Variants in CDK17 observed in about 807,000 individuals in gnomAD.
CDK17 encodes the protein cyclin-dependent kinase 17.
CDK17 carries 24 observed loss-of-function variants against 77.6 expected under a neutral mutation model. The observed-to-expected ratio is 0.31, with a 90% CI of 0.22 to 0.44. The LOEUF (loss-of-function observed/expected upper bound fraction) is 0.44, where lower values mean the gene tolerates loss of function less well. Among genes scored for constraint, CDK17 ranks in the 20% least tolerant of loss-of-function variants. CDK17 has a pLI of 1.00. For missense variants in CDK17, 429 were observed against 622.5 expected, an observed-to-expected ratio of 0.69 and a Z score of 3.31; for synonymous variants, 203 against 210.4, an observed-to-expected ratio of 0.96 and a Z score of 0.30.
chr12:96,393,280 G>A (rs1005760370), intron 1 of CDK17, among the ~76,000 whole-genome samples: 2 of 135,398 alleles, frequency 1.5e-5, no homozygotes, highest in African/African-American at 5.7e-5. Flanking sequence ...AGGGAGAATC[G>A]CTTGAACCCG....
intron 2 of CDK17, among the ~76,000 whole-genome samples, chr12:96,325,995 G>A (rs1341447158): frequency 6.6e-6 from 1 of 152,170 alleles, no homozygotes; most frequent in Non-Finnish European, 1.5e-5. Context: ...CTGCATTCCA[G>A]CCTGGGTGGC....
chr12:96,374,690 G>T (rs990817262), intron 1 of CDK17, among the ~76,000 whole-genome samples: 2 of 152,138 alleles, frequency 1.3e-5, no homozygotes, highest in African/African-American at 4.8e-5. Flanking sequence ...CCAGGAAAAG[G>T]GGGGAACTAA....
chr12:96,333,481 A>C (rs1408424057), intron 2 of CDK17, among the ~76,000 whole-genome samples: 4 of 151,970 alleles, frequency 2.6e-5, no homozygotes, highest in South Asian at 2.1e-4. Context: ...CCTGGTCAAC[A>C]TGGTGAAACC....
intron 1 of CDK17, among the ~76,000 whole-genome samples, chr12:96,374,092 G>A (rs1487092617): frequency 6.6e-6 from 1 of 152,156 alleles, no homozygotes; most frequent in East Asian, 1.9e-4. Context: ...TTTATGTTCT[G>A]TATATAAAAT....
chr12:96,391,086 CAA>C (rs72094136), intron 1 of CDK17, among the ~76,000 whole-genome samples: 2 of 142,748 alleles, frequency 1.4e-5, no homozygotes, highest in Admixed American at 7.0e-5. Flanking sequence ...GACTCCATCT[CAA>C]AAAAAAAAAG....
At chr12:96,317,365 A>AAAC (rs1232641538) in intron 3 of CDK17, among the ~76,000 whole-genome samples, 1 of 106,180 alleles carries the variant, frequency 9.4e-6, no homozygotes, top group Non-Finnish European at 1.9e-5. Flanking sequence ...CCAAGTTGGA[A>AAAC]AACACTCTGC....
At chr12:96,326,201 G>GA (rs1181111228) in intron 2 of CDK17, among the ~76,000 whole-genome samples, 1 of 151,838 alleles carries the variant, frequency 6.6e-6, no homozygotes, top group Non-Finnish European at 1.5e-5. Flanking sequence ...GGAGAATATA[G>GA]AAAAAAAATG....
intron 1 of CDK17, among the ~76,000 whole-genome samples, chr12:96,393,354 CAAAAAAA>C (rs10633197): frequency 6.9e-5 from 3 of 43,346 alleles, no homozygotes; most frequent in African/African-American, 9.0e-5. Context: ...GGCTCCGCCT[CAAAAAAA>C]AAAAAAAAAA....
intron 1 of CDK17, among the ~76,000 whole-genome samples, chr12:96,347,162 A>C (rs1565829902): frequency 6.6e-6 from 1 of 152,212 alleles, no homozygotes; most frequent in Non-Finnish European, 1.5e-5. Context: ...AAATATATTA[A>C]GCAAAAACAG....
intron 6 of CDK17, among the ~76,000 whole-genome samples, chr12:96,299,282 A>T (rs1280320974): frequency 6.6e-6 from 1 of 152,244 alleles, no homozygotes; most frequent in African/African-American, 2.4e-5. Context: ...CAATAGCTTT[A>T]AAATCAAAGG....
At chr12:96,338,558 T>C (rs1046614131) in intron 1 of CDK17, among the ~76,000 whole-genome samples, 2 of 152,086 alleles carry the variant, frequency 1.3e-5, no homozygotes, top group African/African-American at 4.8e-5. Flanking sequence ...TAGTCACTAA[T>C]TTTTGTATTT....
intron 1 of CDK17, among the ~76,000 whole-genome samples, chr12:96,381,497 G>A (rs1953880128): frequency 6.6e-6 from 1 of 151,908 alleles, no homozygotes; most frequent in African/African-American, 2.4e-5. Context: ...ATAGCAGGGA[G>A]ACCAGTTTTG....
intron 11 of CDK17, 40 bp from the exon 12 acceptor site, chr12:96,286,801 A>T: frequency 6.7e-7 from 1 of 1,492,094 alleles, no homozygotes; most frequent in Non-Finnish European, 9.3e-7. Flanking sequence ...CAATTCATTT[A>T]CATATTATGA....
intron 3 of CDK17, among the ~76,000 whole-genome samples, chr12:96,315,940 T>A (rs1952708473): frequency 6.6e-6 from 1 of 151,628 alleles, no homozygotes; most frequent in Non-Finnish European, 1.5e-5. Context: ...AAAAAAAAAA[T>A]CAGAGGGAGG....
At chr12:96,336,795 T>C (rs188117643) in intron 1 of CDK17, among the ~76,000 whole-genome samples, 6 of 152,356 alleles carry the variant, frequency 3.9e-5, no homozygotes, top group African/African-American at 9.6e-5. Context: ...GAATTTCCAT[T>C]TGACTCCTTC....
At chr12:96,377,691 T>C (rs1009062839) in intron 1 of CDK17, among the ~76,000 whole-genome samples, 6 of 143,074 alleles carry the variant, frequency 4.2e-5, no homozygotes, top group Non-Finnish European at 7.6e-5. Context: ...AGTTTTTTTT[T>C]TTCGTTTTTT....
At chr12:96,355,047 T>C (rs1232879192) in intron 1 of CDK17, among the ~76,000 whole-genome samples, 1 of 152,148 alleles carries the variant, frequency 6.6e-6, no homozygotes, top group East Asian at 1.9e-4. Flanking sequence ...CTACAATGAC[T>C]GGCACTTACT....
intron 10 of CDK17, among the ~76,000 whole-genome samples, chr12:96,289,598 T>C (rs954322012): frequency 6.6e-6 from 1 of 152,246 alleles, no homozygotes; most frequent in African/African-American, 2.4e-5. Flanking sequence ...TGAATCATGA[T>C]GACAAAATTA....
intron 12 of CDK17, among the ~76,000 whole-genome samples, chr12:96,286,458 T>A (rs1202259123): frequency 6.6e-6 from 1 of 152,102 alleles, no homozygotes; most frequent in African/African-American, 2.4e-5. Flanking sequence ...TGTTTTTCCA[T>A]AAAATCTTTA....
Sources: gnomAD v4.1 joint callset for allele counts (sites outside exome capture counted in the v4.1 genomes callset) on GRCh38, gnomAD v4.1.1 for gene constraint, MANE v1.5 for transcripts, NCBI Gene and HGNC (gene_info 2026-07-23, HGNC 2026-07-21) for gene names.